The following LOXL2 variants were observed in gnomAD, a reference collection of about 807,000 sequenced individuals.
LOXL2 encodes the protein lysyl oxidase like 2.
A neutral mutation model predicts 93.0 loss-of-function variants in LOXL2; 70 were observed. That is an observed-to-expected ratio of 0.75 (90% CI 0.62 to 0.92). LOXL2 has a LOEUF of 0.92. Ranked by LOEUF, LOXL2 falls within the 40% of genes least tolerant of loss-of-function variation. The pLI, the probability that LOXL2 is intolerant of heterozygous loss-of-function variation, is 0.00. For missense variants in LOXL2, 973 were observed against 1,054.9 expected, an observed-to-expected ratio of 0.92 and a Z score of 1.08; for synonymous variants, 438 against 413.2, an observed-to-expected ratio of 1.06 and a Z score of -0.73.
Position 23,360,156 on chromosome 8 carries a change from A to T in LOXL2, c.465T>A (p.Gly155=). Residue 155 remains glycine (G), a synonymous_variant, in exon 3 of 14, where the codon GGT becomes GGA. Coordinates refer to ENST00000389131, the MANE Select transcript of LOXL2 (RefSeq NM_002318.3). ...VTDCKHTEDV[G]VVCSDKRIPG... is the part of the protein sequence containing the mutation. Reference sequence around the variant, plus strand: ...GAATCCTTTTGTCGCTGCACACCACACCGACATCCTCCGTGTGCTTGCAGT... The same window carrying T: ...GAATCCTTTTGTCGCTGCACACCACTCCGACATCCTCCGTGTGCTTGCAGT... 1 of 1,614,028 alleles carries T rather than the reference A, an allele frequency of 6.2e-7. No individual in the cohort carries two copies. Among genetic ancestry groups the T allele is most frequent in the African/African-American group, 1.3e-5 (1 of 75,026 alleles).
chr8:23,335,917 A>G (rs1332869933), intron 4 of LOXL2, among the ~76,000 whole-genome samples: 1 of 152,186 alleles, frequency 6.6e-6, no homozygotes, highest in African/African-American at 2.4e-5. Flanking sequence ...AATGACACGG[A>G]ATCTTGCTGA....
chr8:23,386,709 T>C (rs752162028), intron 1 of LOXL2, among the ~76,000 whole-genome samples: 1 of 151,962 alleles, frequency 6.6e-6, no homozygotes, highest in African/African-American at 2.4e-5. Context: ...AAGAAGCATC[T>C]GCTCCAGTGA....
chr8:23,399,197 A>T (rs1027904174), intron 1 of LOXL2, among the ~76,000 whole-genome samples: 16 of 152,200 alleles, frequency 1.1e-4, no homozygotes, highest in Admixed American at 3.9e-4. Flanking sequence ...TGGACCACCC[A>T]GGGTGTGACT....
rs146729252 is a variant in LOXL2 at position 23,344,091 on chromosome 8, G to A, written c.532-2888C>T. Among the ~76,000 whole-genome samples the A allele has an allele frequency of 1.7e-3, 254 of 152,348 alleles. 1 individual carries two copies. The highest frequency in any genetic ancestry group is 5.9e-3 in the African/African-American group (245 of 41,576). On this transcript the variant is annotated intron_variant, in intron 3 of 13. Transcript: ENST00000389131. ...ACCACAGGAGGAGGAAGAAGGCCTG[G>A]CTGGAGGAGCTCAGCAGACCCCGCT...
chr8:23,377,189 T>C (rs1158279989), intron 1 of LOXL2, among the ~76,000 whole-genome samples: 2 of 152,092 alleles, frequency 1.3e-5, no homozygotes, highest in South Asian at 2.1e-4. Flanking sequence ...GCCTTCATTT[T>C]GTTATGTACC....
At chr8:23,391,873 A>G (rs1804849941) in intron 1 of LOXL2, among the ~76,000 whole-genome samples, 1 of 152,076 alleles carries the variant, frequency 6.6e-6, no homozygotes, top group Non-Finnish European at 1.5e-5. Flanking sequence ...CCTGGGCTGG[A>G]GGGAGTACAA....
chr8:23,332,854 A>C (rs950191633), intron 5 of LOXL2, among the ~76,000 whole-genome samples: 7 of 118,244 alleles, frequency 5.9e-5, no homozygotes, highest in African/African-American at 2.3e-4. Flanking sequence ...GCACACATAC[A>C]CACACACTCA....
In LOXL2 at chr8:23,348,408, C is replaced by T. The variant is rs117384126; in HGVS notation, c.532-7205G>A. 5.5e-3 allele frequency among the ~76,000 whole-genome samples: 800 copies of T among 145,876 alleles called. 45 individuals carry two copies. The East Asian group carries it at 0.13, about 24-fold the overall frequency. ...TACCCTAGAACTTAAAGTATAATAA[C>T]AAAAAAAAAAATTAGCTGGGCACGG... On this transcript the variant is annotated intron_variant, in intron 3 of 13. Coordinates refer to ENST00000389131, the MANE Select transcript of LOXL2 (RefSeq NM_002318.3).
intron 7 of LOXL2, among the ~76,000 whole-genome samples, chr8:23,321,159 T>C (rs1803490639): frequency 6.6e-6 from 1 of 152,164 alleles, no homozygotes; most frequent in South Asian, 2.1e-4. Context: ...GTGTTCCTGC[T>C]CTAGGTCCTA....
At position 23,360,219 on chromosome 8, in the gene LOXL2, G is replaced by A; in HGVS notation, c.402C>T (p.Thr134=). ...DNLHCTGNEA[T]LAACTSNGWG... ...AGCCATTGGAGGTGCATGCTGCAAG[G>A]GTCGCCTCGTTGCCAGTACAGTGGA... The change falls in exon 3 of 14, where the codon ACC becomes ACT. Residue 134 remains threonine, a synonymous_variant. Transcript: ENST00000389131. 6.2e-7 allele frequency: 1 copy of A among 1,613,926 alleles called. No homozygotes were observed. The highest frequency in any genetic ancestry group is 8.5e-7 in the Non-Finnish European group (1 of 1,179,894).
chr8:23,381,887 G>A (rs1298907417), intron 1 of LOXL2, among the ~76,000 whole-genome samples: 3 of 152,188 alleles, frequency 2.0e-5, no homozygotes, highest in African/African-American at 7.2e-5. Flanking sequence ...ACCTGACTGG[G>A]CCCCCAAGCC....
intron 1 of LOXL2, among the ~76,000 whole-genome samples, chr8:23,377,196 T>C (rs2117222217): frequency 6.6e-6 from 1 of 152,294 alleles, no homozygotes; most frequent in East Asian, 1.9e-4. Context: ...TTTTGTTATG[T>C]ACCCAGTAGT....
intron 6 of LOXL2, among the ~76,000 whole-genome samples, chr8:23,326,253 CT>C (rs1803575844): frequency 6.6e-6 from 1 of 152,240 alleles, no homozygotes; most frequent in Non-Finnish European, 1.5e-5. Context: ...ATGCCTCTTT[CT>C]CCCAGAGTTC....
intron 12 of LOXL2, among the ~76,000 whole-genome samples, chr8:23,301,113 C>T (rs1014154461): frequency 6.6e-6 from 1 of 152,194 alleles, no homozygotes; most frequent in Admixed American, 6.5e-5. Flanking sequence ...AGGCCCTGGG[C>T]TGGCTGAATG....
At chr8:23,315,936 G>C (rs997973559) in intron 9 of LOXL2, among the ~76,000 whole-genome samples, 1 of 152,232 alleles carries the variant, frequency 6.6e-6, no homozygotes, top group Non-Finnish European at 1.5e-5. Flanking sequence ...CGACAGGGAA[G>C]TGGCTGTTCC....
chr8:23,373,316 A>G (rs1216724061), intron 1 of LOXL2, among the ~76,000 whole-genome samples: 1 of 152,048 alleles, frequency 6.6e-6, no homozygotes, highest in Non-Finnish European at 1.5e-5. Context: ...GGGGGGGCCT[A>G]ACTTTGAATT....
intron 1 of LOXL2, among the ~76,000 whole-genome samples, chr8:23,387,040 A>C (rs147370470): frequency 6.6e-6 from 1 of 152,300 alleles, no homozygotes; most frequent in African/African-American, 2.4e-5. Context: ...AGTTGAGCCC[A>C]GGAGTGGGTC....
rs1014608008 is a variant in LOXL2, at chr8:23,337,626, G to T, written c.743+3366C>A. On this transcript the variant is annotated intron_variant, in intron 4 of 13. Transcript: ENST00000389131. ...GGAGGCCTTTCTAACTTCCTCAGCT[G>T]CAACATTAAATGCAGAATCTCTGCT... is the stretch of plus-strand genomic sequence containing the variant. 1.8e-4 allele frequency among the ~76,000 whole-genome samples: 27 copies of T among 152,320 alleles called. No homozygotes were observed. The East Asian group carries it at 5.0e-3, about 28-fold the overall frequency.
At chr8:23,319,570 A>C (rs3824221) in intron 8 of LOXL2, among the ~76,000 whole-genome samples, 107,563 of 151,936 alleles carry the variant, frequency 0.71, 38,507 homozygotes, top group Non-Finnish European at 0.76. Context: ...CACATCAGGA[A>C]CCCCCAGGAT....
Sources: gnomAD v4.1 joint callset for allele counts (sites outside exome capture counted in the v4.1 genomes callset) on GRCh38, gnomAD v4.1.1 for gene constraint, MANE v1.5 for transcripts, NCBI Gene and HGNC (gene_info 2026-07-23, HGNC 2026-07-21) for gene names.